The following MUC7 variants were observed in gnomAD, a reference collection of about 807,000 sequenced individuals.
MUC7 encodes the protein mucin-7.
MUC7 carries 2 observed loss-of-function variants against 2.5 expected under a neutral mutation model. That is an observed-to-expected ratio of 0.81 (90% CI 0.33 to 2.55). The LOEUF is 2.55. Among genes scored for constraint, MUC7 ranks in the 30% most tolerant of loss-of-function variants. The pLI, the probability that MUC7 is intolerant of heterozygous loss-of-function variation, is 0.11. For missense variants in MUC7, 408 were observed against 455.6 expected (o/e 0.90, Z 0.95); for synonymous variants, 133 against 173.4 (o/e 0.77, Z 1.83).
Position 70,481,937 on chromosome 4 carries a change from C to A in MUC7, c.*59C>A, listed in dbSNP as rs1735210879. On this transcript the variant is annotated 3_prime_UTR_variant, in exon 3 of 3. Coordinates refer to ENST00000304887, the MANE Select transcript of MUC7 (RefSeq NM_152291.3). ...CAAGATGTGATTCATGAGTGCAGAA[C>A]TACCACCTTTCTTTTAGCACCAATC... The A allele has an allele frequency of 6.5e-7, 1 of 1,545,682 alleles. No individual in the cohort carries two copies. The highest frequency in any genetic ancestry group is 1.8e-4 in the Middle Eastern group (1 of 5,530).
intron 1 of MUC7, among the ~76,000 whole-genome samples, chr4:70,453,327 T>C (rs1352412051): frequency 1.3e-5 from 2 of 152,230 alleles, no homozygotes; most frequent in Non-Finnish European, 2.9e-5. Context: ...GCAGCTAAGA[T>C]GACACTCAAA....
rs886687328 is a variant in MUC7 at position 70,459,332 on chromosome 4, A to C, written c.-92-12883A>C. Among the ~76,000 whole-genome samples, 5 of 152,178 alleles carry C rather than the reference A, an allele frequency of 3.3e-5. No individual in the cohort carries two copies. The East Asian group carries it at 9.6e-4, about 29-fold the overall frequency. ...ATTCTCAGTAAACTATCACAAGGAC[A>C]AAAAACCAAACACCGCATGTTCTCA... On this transcript the variant is annotated intron_variant, in intron 1 of 3. Transcript: ENST00000413702.
chr4:70,450,112 T>C (rs946899360), intron 1 of MUC7, among the ~76,000 whole-genome samples: 1 of 152,198 alleles, frequency 6.6e-6, no homozygotes, highest in African/African-American at 2.4e-5. Flanking sequence ...GAAAAACTTA[T>C]AAGTCTACGT....
intron 1 of MUC7, among the ~76,000 whole-genome samples, chr4:70,463,652 T>G (rs2109729517): frequency 6.6e-6 from 1 of 152,328 alleles, no homozygotes; most frequent in South Asian, 2.1e-4. Context: ...TGATTTGTAG[T>G]CCACATGTCA....
chr4:70,450,913 T>C (rs1047034711), intron 1 of MUC7, among the ~76,000 whole-genome samples: 3 of 152,056 alleles, frequency 2.0e-5, no homozygotes, highest in South Asian at 2.1e-4. Flanking sequence ...AGCCTGGAGA[T>C]GGGGAGGAGT....
intron 1 of MUC7, among the ~76,000 whole-genome samples, chr4:70,433,849 T>C (rs895545763): frequency 6.6e-6 from 1 of 152,236 alleles, no homozygotes; most frequent in Non-Finnish European, 1.5e-5. Flanking sequence ...CAGTATAATA[T>C]TGGCTGTGGG....
chr4:70,451,153 A>G (rs555057089), intron 1 of MUC7, among the ~76,000 whole-genome samples: 2 of 152,294 alleles, frequency 1.3e-5, no homozygotes, highest in African/African-American at 4.8e-5. Flanking sequence ...TCCTCTGGCT[A>G]GGGCTGGTTT....
At chr4:70,455,460 T>A (rs1734388475) in intron 1 of MUC7, among the ~76,000 whole-genome samples, 1 of 152,238 alleles carries the variant, frequency 6.6e-6, no homozygotes, top group African/African-American at 2.4e-5. Context: ...AATTTCCTAA[T>A]CACTCTATCC....
Position 70,481,304 on chromosome 4 carries a change from A to G in MUC7, c.560A>G (p.Glu187Gly), listed in dbSNP as rs780700215. Residue 187 changes from glutamate (E) to glycine (G), a missense_variant, in exon 3 of 3, where the codon GAG becomes GGG. Physicochemically the swap from Glu to Gly is moderately conservative, Grantham distance 98 (BLOSUM62 -2). This residue lies in a region of MUC7 where 225 missense variants were observed against 240.5 expected (regional missense o/e 0.94). Transcript: ENST00000304887. The stretch of plus-strand genomic sequence containing the variant: ...CCACCATCTTCCTCAGCTCCACCAG[A>G]GACCACAGCTGCCCCACCCACACCT... ...PAPPSSSAPP[E>G]TTAAPPTPSA... 1.2e-6 allele frequency: 2 copies of G among 1,612,644 alleles called. No individual in the cohort carries two copies. The highest frequency in any genetic ancestry group is 1.7e-6 in the Non-Finnish European group (2 of 1,179,438).
chr4:70,470,554 T>G (rs7654704), upstream of MUC7, among the ~76,000 whole-genome samples: 137,930 of 152,132 alleles, frequency 0.91, 62,733 homozygotes, highest in East Asian at 1. Context: ...CCAGGCATTA[T>G]TTAGGACTGA....
upstream of MUC7, among the ~76,000 whole-genome samples, chr4:70,469,459 A>C (rs1351512114): frequency 6.6e-6 from 1 of 152,236 alleles, no homozygotes; most frequent in Non-Finnish European, 1.5e-5. Flanking sequence ...CTATCATCAG[A>C]GTGAACAGGC....
intron 1 of MUC7, among the ~76,000 whole-genome samples, chr4:70,434,963 T>A (rs1335302989): frequency 5.3e-5 from 8 of 152,236 alleles, no homozygotes; most frequent in Non-Finnish European, 8.8e-5. Flanking sequence ...TTTCATTATG[T>A]ACCCAGTAGT....
chr4:70,481,601 C>T lies in MUC7; in HGVS notation c.857C>T (p.Thr286Ile). 1 of 1,612,750 alleles carries T rather than the reference C, an allele frequency of 6.2e-7. No homozygotes were observed. The highest frequency in any genetic ancestry group is 8.5e-7 in the Non-Finnish European group (1 of 1,179,586). ...CCAGAGACCACAGCTGCCCCACCCA[C>T]ACCTTCTGCAACTACACCAGCTCCA... ...APPETTAAPP[T>I]PSATTPAPPS... Residue 286 changes from threonine to isoleucine, a missense_variant, in exon 3 of 3, where the codon ACA (threonine) becomes ATA (isoleucine). Physicochemically the swap from Thr to Ile is moderately conservative, Grantham distance 89. Transcript: ENST00000304887.
At chr4:70,475,628 A>T (rs1734976503) in intron 2 of MUC7, among the ~76,000 whole-genome samples, 1 of 152,224 alleles carries the variant, frequency 6.6e-6, no homozygotes, top group Admixed American at 6.5e-5. Context: ...AAGGAAGATT[A>T]AAATTAATAA....
At chr4:70,439,609 T>C (rs1204851308) in intron 1 of MUC7, among the ~76,000 whole-genome samples, 1 of 152,032 alleles carries the variant, frequency 6.6e-6, no homozygotes, top group African/African-American at 2.4e-5. Flanking sequence ...ATAATATTTA[T>C]CTTAAAGTGT....
At chr4:70,449,495 A>G (rs1009513836) in intron 1 of MUC7, among the ~76,000 whole-genome samples, 3 of 152,122 alleles carry the variant, frequency 2.0e-5, no homozygotes, top group African/African-American at 7.2e-5. Context: ...CCCACAATAT[A>G]TGGGAATTAT....
At chr4:70,453,146 G>T (rs1192792738) in intron 1 of MUC7, among the ~76,000 whole-genome samples, 1 of 152,114 alleles carries the variant, frequency 6.6e-6, no homozygotes, top group Non-Finnish European at 1.5e-5. Context: ...ATGTTTGTTT[G>T]CTCAAGAACC....
At chr4:70,467,170 A>G (rs1281415145) in intron 1 of MUC7, among the ~76,000 whole-genome samples, 3 of 152,242 alleles carry the variant, frequency 2.0e-5, no homozygotes, top group Admixed American at 6.5e-5. Flanking sequence ...CTGGTTAAAT[A>G]AGGAAATTAA....
At chr4:70,480,414 A>G (rs1379990572) in intron 2 of MUC7, among the ~76,000 whole-genome samples, 6 of 152,166 alleles carry the variant, frequency 3.9e-5, no homozygotes, top group Admixed American at 3.3e-4. Context: ...AATGTCTTTG[A>G]CTAAAGTTTT....
Sources: gnomAD v4.1 joint callset for allele counts (sites outside exome capture counted in the v4.1 genomes callset) on GRCh38, gnomAD v4.1.1 for gene constraint, gnomAD v4.1.1 regional missense constraint, MANE v1.5 for transcripts, NCBI Gene and HGNC (gene_info 2026-07-23, HGNC 2026-07-21) for gene names.